The following NUTM2F variants were observed in gnomAD, a reference collection of about 807,000 sequenced individuals.
NUTM2F encodes the protein NUT family member 2F.
Under a neutral mutation model 43.3 loss-of-function variants are expected in NUTM2F, and 22 were observed. That is an observed-to-expected ratio of 0.51 (90% CI 0.36 to 0.73). The LOEUF is 0.73. Among genes scored for constraint, NUTM2F ranks in the 30% least tolerant of loss-of-function variants. NUTM2F has a pLI of 0.00. For synonymous variants in NUTM2F, 202 were observed against 389.0 expected (o/e 0.52, Z 5.66); for missense variants, 488 against 927.4 (o/e 0.53, Z 6.15).
At chr9:94,326,540 C>A (rs1831454305) in intron 1 of NUTM2F, among the ~76,000 whole-genome samples, 1 of 152,090 alleles carries the variant, frequency 6.6e-6, no homozygotes, top group Non-Finnish European at 1.5e-5. Flanking sequence ...CACCTGAGGT[C>A]AGGAGTTGAA....
Position 94,318,685 on chromosome 9 carries a change from C to T in NUTM2F, c.2051G>A (p.Arg684Lys). The part of the protein sequence containing the change: ...GALQSPSAQK[R>K]GLSPSPSPAS... ...AGGAGAAGGTGATGGGCTGAGGCCT[C>T]TTTTCTGAGCAGATGGAGACTGAAG... is the stretch of plus-strand genomic sequence containing the variant. Residue 684 changes from arginine to lysine, a missense_variant, in exon 7 of 7, where the codon AGA becomes AAA. Transcript: ENST00000253262. 6.2e-7 allele frequency: 1 copy of T among 1,601,008 alleles called. No homozygotes were observed. Among genetic ancestry groups the T allele is most frequent in the Non-Finnish European group, 8.5e-7 (1 of 1,173,288 alleles).
chr9:94,321,784 C>T (rs954281573), intron 3 of NUTM2F, among the ~76,000 whole-genome samples: 3 of 149,462 alleles, frequency 2.0e-5, no homozygotes, highest in African/African-American at 4.9e-5. Context: ...GTACAGGTCT[C>T]CCCTGACCCA....
intron 2 of NUTM2F, among the ~76,000 whole-genome samples, chr9:94,323,598 T>C (rs1831407233): frequency 6.6e-6 from 1 of 152,120 alleles, no homozygotes; most frequent in African/African-American, 2.4e-5. Flanking sequence ...GTCCTGATAA[T>C]GGTAGTAATG....
At chr9:94,323,400 C>A (rs1434192600) in intron 2 of NUTM2F, among the ~76,000 whole-genome samples, 2 of 152,220 alleles carry the variant, frequency 1.3e-5, no homozygotes, top group Non-Finnish European at 2.9e-5. Flanking sequence ...GCGGGAAACA[C>A]AGGGTCACAG....
rs1438952702 is a variant in NUTM2F, at chr9:94,322,235, A to G, written c.808T>C (p.Phe270Leu). 1.9e-6 allele frequency: 3 copies of G among 1,612,078 alleles called. No individual in the cohort carries two copies. The South Asian group carries it at 3.3e-5, about 18-fold the overall frequency. ...ATCTCGTAGAAGATCATCCGGTCAA[A>G]GTTGCTCGTGTGCTGCCATTCCCGC... ...AMREWQHTSN[F>L]DRMIFYEMAE... is the part of the protein sequence containing the mutation. Residue 270 changes from phenylalanine to leucine, a missense_variant, in exon 3 of 7, where the codon TTT (phenylalanine) becomes CTT (leucine). By Grantham distance (22) the Phe-to-Leu change is conservative. Transcript: ENST00000253262.
In NUTM2F at chr9:94,325,561, A is replaced by G. The variant is rs2118738982; in HGVS notation, c.390T>C (p.Ala130=). 1 of 1,515,270 alleles carries G rather than the reference A, an allele frequency of 6.6e-7. No homozygotes were observed. Among genetic ancestry groups the G allele is most frequent in the Non-Finnish European group, 8.9e-7 (1 of 1,126,760 alleles). The allele number at this position is 1,515,270 out of a possible 1,614,324, so 93.9% of individuals were successfully genotyped here. ...GGGCAGAGGTAACGGGCACCCCAGG[A>G]GCAGCTGCCAGGAGTAGGGGAGGTG... is the stretch of plus-strand genomic sequence containing the variant. ...MCPPPLLLAA[A]PGVPVTSAQV... The change falls in exon 2 of 7, where the codon GCT becomes GCC. Residue 130 remains alanine (A), a synonymous_variant. Coordinates refer to ENST00000253262, the MANE Select transcript of NUTM2F (RefSeq NM_017561.2).
At chr9:94,327,097 C>CTTT (rs1270082482) in intron 1 of NUTM2F, among the ~76,000 whole-genome samples, 1 of 123,480 alleles carries the variant, frequency 8.1e-6, no homozygotes, top group Non-Finnish European at 1.8e-5. Context: ...TAGGGATTTT[C>CTTT]TTTTTTTTCT....
Position 94,326,614 on chromosome 9 carries a change from C to A in NUTM2F, c.17-680G>T, listed in dbSNP as rs532407072. Among the ~76,000 whole-genome samples the A allele has an allele frequency of 7.9e-5, 12 of 151,784 alleles. 1 individual carries two copies. In the South Asian group the frequency reaches 2.1e-3, roughly 26 times the overall value. ...AAAATACAAAAATTAGCTGATGGTG[C>A]GTGCCTGTAATCCCAGCTACTCAGG... On this transcript the variant is annotated intron_variant, in intron 1 of 6. Coordinates refer to ENST00000253262, the MANE Select transcript of NUTM2F (RefSeq NM_017561.2).
Position 94,320,482 on chromosome 9 carries a change from C to T in NUTM2F, c.1094G>A (p.Arg365Lys). Residue 365 changes from arginine (R) to lysine (K), a missense_variant, in exon 5 of 7, where the codon AGG becomes AAG. Physicochemically the swap from Arg to Lys is conservative, Grantham distance 26. Transcript: ENST00000253262. The surrounding 1 kb of genome is among the most constrained non-coding windows in gnomAD (Gnocchi z 4.5). Reference protein sequence around the residue: ...KAHLPPPRPQRPAETNAHLPP... With the variant: ...KAHLPPPRPQKPAETNAHLPP... ...CAGGTGGGCGTTGGTCTCCGCTGGCCTCTGGGGCCTGGGTGGTGGCAGGTG... is the reference window on the plus strand; with the variant it reads ...CAGGTGGGCGTTGGTCTCCGCTGGCTTCTGGGGCCTGGGTGGTGGCAGGTG... 1.2e-6 allele frequency: 2 copies of T among 1,611,552 alleles called. No homozygotes were observed. The highest frequency in any genetic ancestry group is 1.7e-6 in the Non-Finnish European group (2 of 1,179,514).
intron 1 of NUTM2F, among the ~76,000 whole-genome samples, chr9:94,326,667 C>T (rs572718288): frequency 7.6e-5 from 11 of 145,610 alleles, no homozygotes; most frequent in African/African-American, 2.1e-4. Flanking sequence ...TTGCTTGAAC[C>T]GAGGAGGCAG....
In NUTM2F at chr9:94,320,977, C is replaced by G; in HGVS notation, c.982+116G>C. ...CCCAACATACACTCCCGGAAGCTGTCCTGTTGGAGGGAGCAAATCCCCCTC... is the reference window on the plus strand; with the variant it reads ...CCCAACATACACTCCCGGAAGCTGTGCTGTTGGAGGGAGCAAATCCCCCTC... On this transcript the variant is annotated intron_variant, in intron 4 of 6. Transcript: ENST00000253262. This position sits in a 1 kb window ranked among gnomAD's most constrained non-coding sequence, Gnocchi z 4.5. 1 of 1,458,396 alleles carries G rather than the reference C, an allele frequency of 6.9e-7. No individual in the cohort carries two copies. 90.3% of individuals were successfully genotyped at this position (1,458,396 alleles called of 1,614,324 possible). A position where few individuals can be genotyped will look rare whatever the true frequency, so the allele number is the denominator to read the frequency against.
At chr9:94,326,462 C>T (rs1831453469) in intron 1 of NUTM2F, among the ~76,000 whole-genome samples, 1 of 152,138 alleles carries the variant, frequency 6.6e-6, no homozygotes, top group African/African-American at 2.4e-5. Context: ...AAGAAAACCA[C>T]TGGATAGGCC....
At position 94,319,701 on chromosome 9, in the gene NUTM2F, A is replaced by G. The variant is rs753623167; in HGVS notation, c.1397T>C (p.Leu466Pro). The change falls in exon 6 of 7, where the codon CTG (leucine) becomes CCG (proline). Residue 466 changes from leucine (L) to proline (P), a missense_variant. Coordinates refer to ENST00000253262, the MANE Select transcript of NUTM2F (RefSeq NM_017561.2). ...TGGATCTGGGGAAAGCAATTCTTCC[A>G]GGAATCGGGGGTGAATGACGGCCTC... is the stretch of plus-strand genomic sequence containing the variant. ...KVEAVIHPRFLEELLSPDPQM... is the reference protein window; with the variant it reads ...KVEAVIHPRFPEELLSPDPQM... 6 of 1,611,674 alleles carry G rather than the reference A, an allele frequency of 3.7e-6. No homozygotes were observed. The highest frequency in any genetic ancestry group is 1.1e-5 in the South Asian group (1 of 90,972).
At position 94,320,426 on chromosome 9, in the gene NUTM2F, T is replaced by C. The variant is rs375708741; in HGVS notation, c.1150A>G (p.Thr384Ala). 5.6e-6 allele frequency: 9 copies of C among 1,605,056 alleles called. No homozygotes were observed. The highest frequency in any genetic ancestry group is 7.7e-6 in the Non-Finnish European group (9 of 1,175,694). Residue 384 changes from threonine to alanine, a missense_variant, in exon 5 of 7, where the codon ACC becomes GCC. Thr to Ala is a moderately conservative substitution (Grantham distance 58). Transcript: ENST00000253262. This position sits in a 1 kb window ranked among gnomAD's most constrained non-coding sequence, Gnocchi z 4.5. ...PPPRPQRPAE[T>A]KVPEEIPPEV... ...GGGGGGATCTCCTCAGGGACCTTGG[T>C]CTCCGCTGGCCTCTGGGGCCTGGGT...
At position 94,325,523 on chromosome 9, in the gene NUTM2F, C is replaced by T. The variant is rs765904130; in HGVS notation, c.428G>A (p.Gly143Asp). Reference protein sequence around the residue: ...VPVTSAQVVGGTQACEGGWSH... With the variant: ...VPVTSAQVVGDTQACEGGWSH... ...CCAGCCTCCCTCACAGGCCTGGGTG[C>T]CCCCAACCACCTGGGCAGAGGTAAC... The change falls in exon 2 of 7, where the codon GGC becomes GAC. Residue 143 changes from glycine (G) to aspartate (D), a missense_variant. Physicochemically the swap from Gly to Asp is moderately conservative, Grantham distance 94. Transcript: ENST00000253262. 5.0e-6 allele frequency: 7 copies of T among 1,394,240 alleles called. No individual in the cohort carries two copies. The highest frequency in any genetic ancestry group is 6.7e-6 in the Non-Finnish European group (7 of 1,041,268). 86.4% of individuals were successfully genotyped at this position (1,394,240 alleles called of 1,614,324 possible).
rs75315722 is a variant in NUTM2F at position 94,325,575 on chromosome 9, G to A, written c.376C>T (p.Leu126Phe). Reference sequence around the variant, plus strand: ...GGCACCCCAGGAGCAGCTGCCAGGAGTAGGGGAGGTGGACACATGACACCT... The same window carrying A: ...GGCACCCCAGGAGCAGCTGCCAGGAATAGGGGAGGTGGACACATGACACCT... ...CGGVMCPPPL[L>F]LAAAPGVPVT... The change falls in exon 2 of 7, where the codon CTC becomes TTC. Residue 126 changes from leucine to phenylalanine, a missense_variant. Coordinates refer to ENST00000253262, the MANE Select transcript of NUTM2F (RefSeq NM_017561.2). 251,939 of 1,543,222 alleles carry A rather than the reference G, an allele frequency of 0.16. 23,432 individuals are homozygous for A. The highest frequency in any genetic ancestry group is 0.38 in the Admixed American group (19,670 of 51,502).
Sources: gnomAD v4.1 joint callset for allele counts (sites outside exome capture counted in the v4.1 genomes callset) on GRCh38, gnomAD v4.1.1 for gene constraint, Gnocchi (gnomAD v3.1) non-coding constraint, MANE v1.5 for transcripts, NCBI Gene and HGNC (gene_info 2026-07-23, HGNC 2026-07-21) for gene names.